Variants in KCNT1 observed in about 807,000 individuals in gnomAD.
KCNT1 encodes the protein potassium sodium-activated channel subfamily T member 1, also known as potassium channel subfamily T member 1.
Under a neutral mutation model 147.8 loss-of-function variants are expected in KCNT1, and 78 were observed. The observed-to-expected ratio is 0.53, with a 90% CI of 0.44 to 0.64. KCNT1 has a LOEUF of 0.64. KCNT1 is among the 30% of genes least tolerant of loss of function. The pLI, the probability that KCNT1 is intolerant of heterozygous loss-of-function variation, is 0.00. For missense variants in KCNT1, 1,419 were observed against 1,750.3 expected, an observed-to-expected ratio of 0.81 and a Z score of 3.38; for synonymous variants, 867 against 748.8, an observed-to-expected ratio of 1.16 and a Z score of -2.58.
In KCNT1 at chr9:135,730,359, G is replaced by A. The variant is rs896135378; in HGVS notation, c.254+15639G>A. On this transcript the variant is annotated intron_variant, in intron 2 of 30. Coordinates refer to ENST00000371757, the MANE Select transcript of KCNT1 (RefSeq NM_020822.3). This position sits in a 1 kb window ranked among gnomAD's most constrained non-coding sequence, Gnocchi z 4.7. ...GAAACCCATGACTATGTAACCATGC[G>A]TGGCGAGGGGGACCACACGTGGTGA... Among the ~76,000 whole-genome samples, 4 of 152,188 alleles carry A rather than the reference G, an allele frequency of 2.6e-5. No individual in the cohort carries two copies. Among genetic ancestry groups the A allele is most frequent in the African/African-American group, 7.2e-5 (3 of 41,444 alleles).
At chr9:135,753,680 G>A (rs7019051) in intron 4 of KCNT1, 4 of 564,814 alleles carry the variant, frequency 7.1e-6, no homozygotes, top group African/African-American at 3.8e-5. Flanking sequence ...ATGTACCCTC[G>A]CTGTCTGCCT....
chr9:135,773,331 C>T (rs1011261886), intron 19 of KCNT1, among the ~76,000 whole-genome samples: 5 of 152,206 alleles, frequency 3.3e-5, no homozygotes, highest in African/African-American at 4.8e-5. Flanking sequence ...CATAGTGGCC[C>T]GGCCACTCTC....
chr9:135,775,528 C>T (rs905051703), intron 20 of KCNT1, 113 bp downstream of exon 20: 4 of 718,144 alleles, frequency 5.6e-6, no homozygotes, highest in Non-Finnish European at 8.9e-6. Context: ...TTGCAAACTT[C>T]TAGCACAGCT....
At chr9:135,760,764 A>T (rs1189443165) in intron 11 of KCNT1, among the ~76,000 whole-genome samples, 1 of 152,140 alleles carries the variant, frequency 6.6e-6, no homozygotes, top group Non-Finnish European at 1.5e-5. Context: ...CATGTTCTCC[A>T]CATCTGTGGC....
intron 2 of KCNT1, among the ~76,000 whole-genome samples, chr9:135,726,048 A>G (rs56031517): frequency 0.057 from 8,703 of 152,138 alleles, 446 homozygotes; most frequent in Non-Finnish European, 0.08. Context: ...GGGGCCTGTC[A>G]GGGCAAGAGA....
In KCNT1 at chr9:135,714,576, G is replaced by A; in HGVS notation, c.111-1G>A. The stretch of plus-strand genomic sequence containing the variant: ...TGAGGGGCGCTGGCGTGTGCCCGCA[G>A]GCGGCCCTGCGCGGGGGACGGCGCG... On this transcript the variant is annotated splice_acceptor_variant, in intron 1 of 30. Transcript: ENST00000371757. LOFTEE classifies it high-confidence loss of function. The surrounding 1 kb of genome is among the most constrained non-coding windows in gnomAD (Gnocchi z 6.2). The A allele has an allele frequency of 3.1e-6, 4 of 1,306,954 alleles. No individual in the cohort carries two copies. The highest frequency in any genetic ancestry group is 3.9e-6 in the Non-Finnish European group (4 of 1,012,746). The allele number at this position is 1,306,954 out of a possible 1,614,324, so 81.0% of individuals were successfully genotyped here. A position where few individuals can be genotyped will look rare whatever the true frequency, so the allele number is the denominator to read the frequency against.
chr9:135,770,759 C>A, intron 17 of KCNT1, 98 bp from the exon 18 acceptor site: 1 of 1,189,618 alleles, frequency 8.4e-7, no homozygotes, highest in Non-Finnish European at 1.2e-6. Context: ...AGACGCGGAG[C>A]TCCGGTGGGG....
intron 2 of KCNT1, chr9:135,742,710 C>T (rs2062405701): frequency 1.4e-6 from 1 of 716,716 alleles, no homozygotes; most frequent in Admixed American, 2.0e-5. Context: ...TATCTGTCTG[C>T]TGCCTTCTCC....
chr9:135,776,256 TTTG>T (rs1194952703), intron 20 of KCNT1, among the ~76,000 whole-genome samples: 3 of 151,926 alleles, frequency 2.0e-5, no homozygotes, highest in Non-Finnish European at 4.4e-5. Flanking sequence ...TTTTTGTTTA[TTTG>T]TTGTTTGGTT....
Position 135,768,815 on chromosome 9 carries a change from AC to A in KCNT1, c.1402-11del. ...GCCAGCCCGTCTGCACTGACCAACC[AC>A]CCACCCCGCCAGGACCACCAGACCA... On this transcript the variant is annotated splice_polypyrimidine_tract_variant and intron_variant, in intron 14 of 30. Coordinates refer to ENST00000371757, the MANE Select transcript of KCNT1 (RefSeq NM_020822.3). The A allele has an allele frequency of 6.2e-7, 1 of 1,602,806 alleles. No homozygotes were observed. The highest frequency in any genetic ancestry group is 8.5e-7 in the Non-Finnish European group (1 of 1,174,434).
At chr9:135,711,342 GC>G (rs1230160950) in intron 1 of KCNT1, among the ~76,000 whole-genome samples, 3 of 152,118 alleles carry the variant, frequency 2.0e-5, no homozygotes, top group Non-Finnish European at 4.4e-5. Context: ...TATCAGAAGA[GC>G]CCCCCAGCTG....
Position 135,795,188 on chromosome 9 carries a change from C to CTT in KCNT1, c.*3029_*3030dup, listed in dbSNP as rs1315507410. 6.6e-6 allele frequency: 1 copy of CTT among 152,044 alleles called. No homozygotes were observed. The highest frequency in any genetic ancestry group is 1.5e-5 in the Non-Finnish European group (1 of 68,036). 9.4% of individuals were successfully genotyped at this position (152,044 alleles called of 1,614,324 possible). On this transcript the variant is annotated 3_prime_UTR_variant, in exon 31 of 31. Transcript: ENST00000371757. Reference sequence around the variant, plus strand: ...GTGTCTCACACCTGTAATCCCAGCACTTTGGGAGGCCAAGGCAGGTGGACT... The same window carrying CTT: ...GTGTCTCACACCTGTAATCCCAGCACTTTTTGGGAGGCCAAGGCAGGTGGACT...
At chr9:135,769,378 G>T (rs867322992) in intron 15 of KCNT1, among the ~76,000 whole-genome samples, 1 of 152,182 alleles carries the variant, frequency 6.6e-6, no homozygotes. Flanking sequence ...GTGGGGCAGC[G>T]GGAGGGGCTG....
chr9:135,770,719 G>T, intron 17 of KCNT1, 138 bp from the exon 18 acceptor site: 1 of 917,640 alleles, frequency 1.1e-6, no homozygotes, highest in South Asian at 1.7e-5. Context: ...CTCAGCCAAG[G>T]TCCCTGACCC....
chr9:135,776,863 C>T (rs568096235), intron 20 of KCNT1, among the ~76,000 whole-genome samples: 5 of 152,346 alleles, frequency 3.3e-5, no homozygotes, highest in South Asian at 2.1e-4. Flanking sequence ...GCTTTCCAAC[C>T]GGAGATGTTC....
chr9:135,779,681 C>T (rs903720643), intron 24 of KCNT1, among the ~76,000 whole-genome samples: 7 of 152,344 alleles, frequency 4.6e-5, no homozygotes, highest in South Asian at 2.1e-4. Flanking sequence ...TTTCCCTGAC[C>T]GCGTGTGAGG....
Position 135,768,859 on chromosome 9 carries a change from G to T in KCNT1, c.1432G>T (p.Val478Leu). Residue 478 changes from valine to leucine, a missense_variant, in exon 15 of 31, where the codon GTG becomes TTG. Physicochemically the swap from Val to Leu is conservative, Grantham distance 32. Coordinates refer to ENST00000371757, the MANE Select transcript of KCNT1 (RefSeq NM_020822.3). Reference protein sequence around the residue: ...DHQTILRAWAVKDFAPNCPLY... With the variant: ...DHQTILRAWALKDFAPNCPLY... ...CCAGACCATCCTGCGCGCCTGGGCC[G>T]TGAAGGACTTCGCCCCCAACTGCCC... The T allele has an allele frequency of 1.2e-6, 2 of 1,613,084 alleles. No homozygotes were observed. The highest frequency in any genetic ancestry group is 1.7e-6 in the Non-Finnish European group (2 of 1,179,850).
In KCNT1 at chr9:135,775,516, C is replaced by T. The variant is rs537917343; in HGVS notation, c.2349+101C>T. 53 of 824,976 alleles carry T rather than the reference C, an allele frequency of 6.4e-5. No individual in the cohort carries two copies. In the East Asian group the frequency reaches 1.4e-3, roughly 22 times the overall value. 51.1% of individuals were successfully genotyped at this position (824,976 alleles called of 1,614,324 possible). ...CTTTGGTCACTTTACATTTCGATAC[C>T]ATTGCAAACTTCTAGCACAGCTGCA... On this transcript the variant is annotated intron_variant, in intron 20 of 30. Transcript: ENST00000371757.
At chr9:135,770,185 AGGGAG>A in intron 16 of KCNT1, 108 bp from the exon 17 acceptor site, 1 of 1,409,388 alleles carries the variant, frequency 7.1e-7, no homozygotes, top group East Asian at 2.4e-5. Context: ...AGTCCTGCAT[AGGGAG>A]GGGATCCATG....
Sources: allele counts gnomAD v4.1 joint callset (sites outside exome capture counted in the v4.1 genomes callset), GRCh38; gene constraint gnomAD v4.1.1; non-coding constraint Gnocchi (gnomAD v3.1); transcripts MANE v1.5; gene names NCBI Gene and HGNC (gene_info 2026-07-23, HGNC 2026-07-21).